The following CFAP43 variants were observed in gnomAD, a reference collection of about 807,000 sequenced individuals.
The protein encoded by CFAP43 is cilia and flagella associated protein 43, also known as cilia- and flagella-associated protein 43.
Under a neutral mutation model 218.9 loss-of-function variants are expected in CFAP43, and 155 were observed. The ratio of observed to expected loss-of-function variants is 0.71; its 90% CI spans 0.62 to 0.81. The LOEUF (loss-of-function observed/expected upper bound fraction) is 0.81. Ranked by LOEUF, CFAP43 falls within the 30% of genes least tolerant of loss-of-function variation. The pLI is 0.00. For missense variants in CFAP43, 1,778 were observed against 1,954.3 expected (o/e 0.91, Z 1.70); for synonymous variants, 645 against 681.3 (o/e 0.95, Z 0.83).
Position 104,130,334 on chromosome 10 carries a change from A to C in CFAP43, c.4832-29T>G. On this transcript the variant is annotated intron_variant, in intron 37 of 37. Coordinates refer to ENST00000357060, the MANE Select transcript of CFAP43 (RefSeq NM_025145.7). Reference sequence around the variant, plus strand: ...TCCCAAAAATGAATAAAGGAATTCGATTATTTATCAATACTTTCAAATACA... The same window carrying C: ...TCCCAAAAATGAATAAAGGAATTCGCTTATTTATCAATACTTTCAAATACA... 2.5e-6 allele frequency: 4 copies of C among 1,589,570 alleles called. No homozygotes were observed. The African/African-American group carries it at 5.4e-5, about 22-fold the overall frequency.
chr10:104,166,030 A>G (rs991757532), intron 23 of CFAP43, among the ~76,000 whole-genome samples: 5 of 152,202 alleles, frequency 3.3e-5, no homozygotes, highest in African/African-American at 4.8e-5. Flanking sequence ...TCTAAAGGAC[A>G]TGGACAGTAT....
chr10:104,205,072 G>C (rs992935295), intron 7 of CFAP43, among the ~76,000 whole-genome samples: 1 of 151,926 alleles, frequency 6.6e-6, no homozygotes, highest in Non-Finnish European at 1.5e-5. Flanking sequence ...AATTAGCAGG[G>C]CGTGGTGGTG....
At chr10:104,181,351 C>T (rs1248590464) in intron 17 of CFAP43, among the ~76,000 whole-genome samples, 1 of 152,184 alleles carries the variant, frequency 6.6e-6, no homozygotes, top group African/African-American at 2.4e-5. Flanking sequence ...GACTCCTCCA[C>T]CTCCATCATT....
intron 13 of CFAP43, 74 bp downstream of exon 13, chr10:104,188,194 CAA>C (rs1247334107): frequency 6.4e-7 from 1 of 1,552,582 alleles, no homozygotes; most frequent in African/African-American, 1.4e-5. Flanking sequence ...AAGATAAAAA[CAA>C]AACAAACCCA....
intron 14 of CFAP43, among the ~76,000 whole-genome samples, 189 bp from the exon 15 acceptor site, chr10:104,186,312 C>G (rs2090027928): frequency 6.6e-6 from 1 of 152,174 alleles, no homozygotes; most frequent in African/African-American, 2.4e-5. Context: ...TCATGTTTCC[C>G]ACTTTTGCAA....
In CFAP43 at chr10:104,194,026, A is replaced by G. The variant is rs2090313169; in HGVS notation, c.1294-12T>C. The G allele has an allele frequency of 6.2e-7, 1 of 1,611,852 alleles. No individual in the cohort carries two copies. Among genetic ancestry groups the G allele is most frequent in the South Asian group, 1.1e-5 (1 of 91,078 alleles). ...GCCAGAACCGTTGCCTGTTTAAAAT[A>G]AACCCCAGATGCGTATCTCTATTGT... On this transcript the variant is annotated splice_polypyrimidine_tract_variant and intron_variant, in intron 10 of 37. Transcript: ENST00000357060.
In CFAP43 at chr10:104,175,088, C is replaced by A. The variant is rs3068979; in HGVS notation, c.2461-2553G>T. On this transcript the variant is annotated intron_variant, in intron 19 of 37. Transcript: ENST00000357060. ...ACAAACAAACAAACAAACAAACAAACAAAAAAAAACCAAAAAGAAAATATA... is the reference window on the plus strand; with the variant it reads ...ACAAACAAACAAACAAACAAACAAAAAAAAAAAAACCAAAAAGAAAATATA... Among the ~76,000 whole-genome samples the A allele has an allele frequency of 9.3e-3, 1,335 of 142,934 alleles. 13 individuals are homozygous for A. The highest frequency in any genetic ancestry group is 0.026 in the African/African-American group (944 of 36,382). 93.8% of individuals were successfully genotyped at this position (142,934 alleles called of 152,430 possible). A position where few individuals can be genotyped will look rare whatever the true frequency, so the allele number is the denominator to read the frequency against.
intron 28 of CFAP43, among the ~76,000 whole-genome samples, chr10:104,150,622 C>T (rs996663572): frequency 6.6e-6 from 1 of 152,156 alleles, no homozygotes; most frequent in Non-Finnish European, 1.5e-5. Context: ...CAGTGTTGCA[C>T]CATCTTTTCT....
At chr10:104,198,184 C>G (rs2090430901) in intron 8 of CFAP43, 146 bp from the exon 9 acceptor site, 6 of 468,716 alleles carry the variant, frequency 1.3e-5, no homozygotes, top group Non-Finnish European at 2.3e-5. Flanking sequence ...GACCTTGACC[C>G]TGAAGGGCTT....
At chr10:104,205,161 C>T (rs892330387) in intron 7 of CFAP43, among the ~76,000 whole-genome samples, 3 of 134,860 alleles carry the variant, frequency 2.2e-5, no homozygotes, top group East Asian at 2.1e-4. Context: ...TGCAGTGAGC[C>T]GAGATCGCGC....
chr10:104,139,879 A>G (rs1045079027), intron 34 of CFAP43, among the ~76,000 whole-genome samples: 8 of 152,218 alleles, frequency 5.3e-5, no homozygotes, highest in African/African-American at 1.9e-4. Flanking sequence ...AATTGTCTAA[A>G]GCAAAAAATA....
chr10:104,166,156 C>A (rs889710511), intron 23 of CFAP43, among the ~76,000 whole-genome samples: 1 of 152,160 alleles, frequency 6.6e-6, no homozygotes, highest in Non-Finnish European at 1.5e-5. Context: ...TCACTGCAAC[C>A]TCCACCTCCC....
At chr10:104,151,705 G>T (rs2088267212) in intron 28 of CFAP43, among the ~76,000 whole-genome samples, 1 of 152,090 alleles carries the variant, frequency 6.6e-6, no homozygotes, top group Non-Finnish European at 1.5e-5. Flanking sequence ...TCTGTGGATA[G>T]TTTCTTTTGC....
intron 2 of CFAP43, among the ~76,000 whole-genome samples, chr10:104,228,404 T>C (rs1458388875): frequency 1.3e-5 from 2 of 152,174 alleles, no homozygotes; most frequent in East Asian, 3.9e-4. Flanking sequence ...CCCACTGATT[T>C]GGTGATCCCT....
chr10:104,175,849 T>C (rs1175243875), intron 19 of CFAP43, among the ~76,000 whole-genome samples: 1 of 152,224 alleles, frequency 6.6e-6, no homozygotes, highest in Non-Finnish European at 1.5e-5. Flanking sequence ...ACTGTCTGTA[T>C]ATATCTTAAT....
intron 10 of CFAP43, among the ~76,000 whole-genome samples, chr10:104,195,316 A>C (rs185863502): frequency 1.3e-5 from 2 of 152,262 alleles, no homozygotes; most frequent in East Asian, 3.9e-4. Context: ...TCCTGATTAT[A>C]TGGGCCCCTG....
chr10:104,160,987 A>C, intron 27 of CFAP43, 50 bp downstream of exon 27: 1 of 1,529,778 alleles, frequency 6.5e-7, no homozygotes, highest in Non-Finnish European at 8.9e-7. Flanking sequence ...AAAGATATTT[A>C]AACAGCACTC....
chr10:104,212,244 G>A (rs1328868662), intron 4 of CFAP43, 87 bp from the exon 5 acceptor site: 2 of 1,341,142 alleles, frequency 1.5e-6, no homozygotes, highest in Non-Finnish European at 2.0e-6. Flanking sequence ...AGTGAGGTGG[G>A]GAGGTATTAT....
At chr10:104,227,611 T>A (rs1056969371) in intron 2 of CFAP43, among the ~76,000 whole-genome samples, 7 of 152,170 alleles carry the variant, frequency 4.6e-5, no homozygotes, top group African/African-American at 1.2e-4. Context: ...AGAGGCTGTT[T>A]GTTTTGTTCT....
Sources: gnomAD v4.1 joint callset for allele counts (sites outside exome capture counted in the v4.1 genomes callset) on GRCh38, gnomAD v4.1.1 for gene constraint, MANE v1.5 for transcripts, NCBI Gene and HGNC (gene_info 2026-07-23, HGNC 2026-07-21) for gene names.